The following PHC2 variants were observed in gnomAD, a reference collection of about 807,000 sequenced individuals.
PHC2 encodes the protein polyhomeotic homolog 2.
Under a neutral mutation model 87.4 loss-of-function variants are expected in PHC2, and 29 were observed. That is an observed-to-expected ratio of 0.33 (90% CI 0.25 to 0.45). The LOEUF (loss-of-function observed/expected upper bound fraction) is 0.45. Among genes scored for constraint, PHC2 ranks in the 20% least tolerant of loss-of-function variants. The pLI is 1.00. For missense variants in PHC2, 857 were observed against 1,136.7 expected (o/e 0.75, Z 3.54); for synonymous variants, 438 against 461.7 (o/e 0.95, Z 0.66).
At chr1:33,345,096 A>G (rs1646822122) in intron 9 of PHC2, 1 of 152,184 alleles carries the variant, frequency 6.6e-6, no homozygotes, top group Non-Finnish European at 1.5e-5. Flanking sequence ...TAGAGTTTTA[A>G]AAATAACTCA....
chr1:33,412,791 T>C (rs1293401681), intron 1 of PHC2, among the ~76,000 whole-genome samples: 1 of 152,176 alleles, frequency 6.6e-6, no homozygotes, highest in Non-Finnish European at 1.5e-5. Flanking sequence ...ATAGCATGGT[T>C]ATTGAAAAAT....
At position 33,425,634 on chromosome 1, in the gene PHC2, G is replaced by A. The variant is rs567898779; in HGVS notation, c.-55+5342C>T. Among the ~76,000 whole-genome samples the A allele has an allele frequency of 2.5e-3, 374 of 152,318 alleles. 19 individuals carry two copies. In the South Asian group the frequency reaches 0.076, roughly 31 times the overall value. On this transcript the variant is annotated intron_variant, in intron 1 of 14. Transcript: ENST00000683057. The stretch of plus-strand genomic sequence containing the variant: ...CCTTCTGAGAGGTAATGCTTGAATT[G>A]AGTCTTAAAAGATAAGTAGAAAATT...
chr1:33,394,528 A>AT (rs1192754089), intron 1 of PHC2, among the ~76,000 whole-genome samples: 4 of 152,080 alleles, frequency 2.6e-5, no homozygotes, highest in Non-Finnish European at 1.5e-5. Context: ...TTAACTAAGA[A>AT]TTTTTTGGTA....
At chr1:33,404,363 A>G (rs1649667366) in intron 1 of PHC2, among the ~76,000 whole-genome samples, 1 of 152,226 alleles carries the variant, frequency 6.6e-6, no homozygotes, top group Admixed American at 6.5e-5. Flanking sequence ...ATCTTTCAAA[A>G]AAAACCCCCA....
At chr1:33,338,810 G>A (rs1646690237) in intron 9 of PHC2, among the ~76,000 whole-genome samples, 1 of 152,120 alleles carries the variant, frequency 6.6e-6, no homozygotes, top group Non-Finnish European at 1.5e-5. Context: ...ACCTGAAACC[G>A]AAAGGTGGAG....
At chr1:33,387,233 A>G (rs1360325626) in intron 1 of PHC2, among the ~76,000 whole-genome samples, 1 of 152,120 alleles carries the variant, frequency 6.6e-6, no homozygotes, top group Non-Finnish European at 1.5e-5. Context: ...TTTCATGAAC[A>G]CTAGCATTGA....
At chr1:33,385,229 G>C (rs1051317298) in intron 1 of PHC2, among the ~76,000 whole-genome samples, 2 of 152,186 alleles carry the variant, frequency 1.3e-5, no homozygotes, top group South Asian at 2.1e-4. Flanking sequence ...TGGGAGCTAG[G>C]CAGCAGCATT....
chr1:33,383,909 G>C (rs548754190), intron 1 of PHC2, among the ~76,000 whole-genome samples: 2 of 150,908 alleles, frequency 1.3e-5, no homozygotes, highest in South Asian at 4.2e-4. Flanking sequence ...GACTCAGGGG[G>C]AGCATGGCCC....
chr1:33,329,476 AAGG>A (rs1322025061), intron 13 of PHC2, among the ~76,000 whole-genome samples: 5 of 137,628 alleles, frequency 3.6e-5, no homozygotes, highest in African/African-American at 1.6e-4. Flanking sequence ...GACCATTCTT[AAGG>A]AGGTTTAAGA....
chr1:33,325,727 G>A, intron 14 of PHC2: 1 of 368,616 alleles, frequency 2.7e-6, no homozygotes, highest in Non-Finnish European at 5.5e-6. Flanking sequence ...AGTGATTGCT[G>A]CTTAAAGTCA....
chr1:33,371,223 C>T, intron 3 of PHC2, 129 bp from the exon 4 acceptor site: 1 of 728,824 alleles, frequency 1.4e-6, no homozygotes, highest in Non-Finnish European at 2.4e-6. Context: ...AGCCCCCAAC[C>T]TGCCTCTATG....
intron 1 of PHC2, among the ~76,000 whole-genome samples, chr1:33,385,499 AG>A (rs1251992811): frequency 9.2e-5 from 14 of 152,330 alleles, no homozygotes; most frequent in African/African-American, 3.4e-4. Context: ...AATGGACAAG[AG>A]TGCAGACTTC....
rs72658266 is a variant in PHC2, at chr1:33,368,413, G to T, written c.663+123C>A. On this transcript the variant is annotated intron_variant, in intron 6 of 14. Transcript: ENST00000683057. The surrounding 1 kb of genome is among the most constrained non-coding windows in gnomAD (Gnocchi z 6.6). ...GACGCGCAGGCCTGGGGGCATTGGGGTGTCCTGTCTCCCGCCTGCTTTCCT... is the reference window on the plus strand; with the variant it reads ...GACGCGCAGGCCTGGGGGCATTGGGTTGTCCTGTCTCCCGCCTGCTTTCCT... The T allele has an allele frequency of 0.12, 73,158 of 616,366 alleles. 5,421 individuals are homozygous for T. The highest frequency in any genetic ancestry group is 0.27 in the East Asian group (9,660 of 36,196). The allele number at this position is 616,366 out of a possible 1,614,324, so 38.2% of individuals were successfully genotyped here.
intron 1 of PHC2, among the ~76,000 whole-genome samples, chr1:33,394,530 T>C (rs757271150): frequency 6.6e-6 from 1 of 152,068 alleles, no homozygotes; most frequent in Non-Finnish European, 1.5e-5. Context: ...AACTAAGAAT[T>C]TTTTGGTAGG....
rs570581954 is a variant in PHC2, at chr1:33,349,845, TGCGC to T, written c.1558+4552_1558+4555del. On this transcript the variant is annotated intron_variant, in intron 9 of 14. Transcript: ENST00000683057. This position sits in a 1 kb window ranked among gnomAD's most constrained non-coding sequence, Gnocchi z 4.2. ...CGGGAGCGCGGGCGGCGGCCGGGGT[TGCGC>T]GCGCGCGCGCGGCGGGCGCTCGAGG... The T allele has an allele frequency of 4.2e-6, 4 of 963,854 alleles. No homozygotes were observed. The highest frequency in any genetic ancestry group is 4.9e-6 in the Non-Finnish European group (4 of 815,400). The allele number at this position is 963,854 out of a possible 1,614,324, so 59.7% of individuals were successfully genotyped here.
In PHC2 at chr1:33,334,080, T is replaced by A. The variant is rs777949956; in HGVS notation, c.1761+10A>T. 6.3e-7 allele frequency: 1 copy of A among 1,581,522 alleles called. No individual in the cohort carries two copies. Among genetic ancestry groups the A allele is most frequent in the African/African-American group, 1.4e-5 (1 of 72,566 alleles). Reference sequence around the variant, plus strand: ...CTTAAAAAAAAAAGGGGAAAAGAAGTAGTCCGTACCGGGAAAGGCTCCGCC... The same window carrying A: ...CTTAAAAAAAAAAGGGGAAAAGAAGAAGTCCGTACCGGGAAAGGCTCCGCC... On this transcript the variant is annotated intron_variant, in intron 10 of 14. Transcript: ENST00000683057. The surrounding 1 kb of genome is among the most constrained non-coding windows in gnomAD (Gnocchi z 5.5).
intron 7 of PHC2, among the ~76,000 whole-genome samples, 181 bp from the exon 8 acceptor site, chr1:33,355,434 A>G (rs932942633): frequency 6.6e-6 from 1 of 151,568 alleles, no homozygotes; most frequent in Non-Finnish European, 1.5e-5. Flanking sequence ...TAACACATTC[A>G]CTCTATTCCT....
intron 1 of PHC2, among the ~76,000 whole-genome samples, chr1:33,389,059 T>TAAAAAA (rs72505785): frequency 7.3e-6 from 1 of 137,870 alleles, no homozygotes; most frequent in African/African-American, 2.7e-5. Flanking sequence ...ATGTTCTTGT[T>TAAAAAA]AAAAAAAAAA....
intron 9 of PHC2, chr1:33,336,701 C>T (rs927325161): frequency 1.3e-4 from 20 of 152,254 alleles, no homozygotes; most frequent in African/African-American, 4.8e-4. Flanking sequence ...GACGGCCCTC[C>T]TCTACGGGAT....
Sources: allele counts gnomAD v4.1 joint callset (sites outside exome capture counted in the v4.1 genomes callset), GRCh38; gene constraint gnomAD v4.1.1; non-coding constraint Gnocchi (gnomAD v3.1); transcripts MANE v1.5; gene names NCBI Gene and HGNC (gene_info 2026-07-23, HGNC 2026-07-21).